DCC: variants seen among roughly 807,000 people sequenced by gnomAD.
The protein encoded by DCC is DCC netrin 1 receptor.
DCC carries 58 observed loss-of-function variants against 172.5 expected under a neutral mutation model. That is an observed-to-expected ratio of 0.34 (90% CI 0.27 to 0.42). The LOEUF (loss-of-function observed/expected upper bound fraction) is 0.42. DCC is among the 10% of genes least tolerant of loss of function. The pLI, the probability that DCC is intolerant of heterozygous loss-of-function variation, is 1.00. For missense variants in DCC, 1,740 were observed against 1,791.0 expected (o/e 0.97, Z 0.51); for synonymous variants, 709 against 644.5 (o/e 1.10, Z -1.52).
intron 7 of DCC, among the ~76,000 whole-genome samples, chr18:53,097,443 C>T (rs910799334): frequency 6.6e-5 from 10 of 152,150 alleles, no homozygotes; most frequent in Non-Finnish European, 1.2e-4. Flanking sequence ...CTTCTATATG[C>T]TGGACCTGAT....
chr18:53,290,545 T>C (rs1204312033), intron 12 of DCC, among the ~76,000 whole-genome samples: 1 of 152,148 alleles, frequency 6.6e-6, no homozygotes, highest in Non-Finnish European at 1.5e-5. Flanking sequence ...GCTCTGAGAT[T>C]GAAAGCCTGC....
chr18:52,357,614 T>C (rs150894723), intron 1 of DCC, among the ~76,000 whole-genome samples: 1 of 152,202 alleles, frequency 6.6e-6, no homozygotes, highest in African/African-American at 2.4e-5. Flanking sequence ...GTACAACCCA[T>C]ATCCTTTTGA....
At chr18:53,357,802 C>T (rs548605595) in intron 15 of DCC, among the ~76,000 whole-genome samples, 4 of 152,214 alleles carry the variant, frequency 2.6e-5, no homozygotes, top group Admixed American at 6.5e-5. Flanking sequence ...ATAGTGAACA[C>T]GGACTTCAGC....
rs1279636267 is a variant in DCC at position 52,467,249 on chromosome 18, A to G, written c.91+126371A>G. ...GTGTGATGTTCCTCTCCCTGTGTCC[A>G]TGTGTTCTCATTGTTCAACTCCCAC... On this transcript the variant is annotated intron_variant, in intron 1 of 28. Transcript: ENST00000442544. Among the ~76,000 whole-genome samples, 3 of 150,532 alleles carry G rather than the reference A, an allele frequency of 2.0e-5. No individual in the cohort carries two copies. In the East Asian group the frequency reaches 5.9e-4, roughly 30 times the overall value.
At chr18:53,350,649 A>AG (rs2057780775) in intron 15 of DCC, among the ~76,000 whole-genome samples, 1 of 152,100 alleles carries the variant, frequency 6.6e-6, no homozygotes, top group South Asian at 2.1e-4. Flanking sequence ...AGAAAACAAA[A>AG]GATGCTTTTA....
At chr18:52,744,582 A>G (rs948661624) in intron 1 of DCC, among the ~76,000 whole-genome samples, 1 of 152,212 alleles carries the variant, frequency 6.6e-6, no homozygotes, top group African/African-American at 2.4e-5. Context: ...TATTCTGACA[A>G]TATTTTTTAA....
At chr18:52,865,867 G>A (rs1262029985) in intron 2 of DCC, among the ~76,000 whole-genome samples, 1 of 152,120 alleles carries the variant, frequency 6.6e-6, no homozygotes, top group Admixed American at 6.5e-5. Flanking sequence ...TCTGATGAGA[G>A]TTTCTTTTGC....
intron 1 of DCC, among the ~76,000 whole-genome samples, chr18:52,507,603 G>A (rs1465700210): frequency 6.6e-6 from 1 of 152,064 alleles, no homozygotes; most frequent in Non-Finnish European, 1.5e-5. Flanking sequence ...TATCTCCTGT[G>A]TTCCCAGCAT....
rs1034942481 is a variant in DCC, at chr18:53,207,885, G to C, written c.1861+68G>C. 5.0e-4 allele frequency: 673 copies of C among 1,349,106 alleles called. 1 individual carries two copies. Among genetic ancestry groups the C allele is most frequent in the Non-Finnish European group, 5.9e-5 (56 of 943,402 alleles). 83.6% of individuals were successfully genotyped at this position (1,349,106 alleles called of 1,614,324 possible). ...ATATTGACAATAATGACATGATATTGCACATATATCATATATTCCATTTTC... is the reference window on the plus strand; with the variant it reads ...ATATTGACAATAATGACATGATATTCCACATATATCATATATTCCATTTTC... On this transcript the variant is annotated intron_variant, in intron 11 of 28. Transcript: ENST00000442544.
At position 53,322,066 on chromosome 18, in the gene DCC, G is replaced by A. The variant is rs1334902538; in HGVS notation, c.2073G>A (p.Gln691=). The A allele has an allele frequency of 1.2e-6, 2 of 1,604,840 alleles. No individual in the cohort carries two copies. The highest frequency in any genetic ancestry group is 1.7e-6 in the Non-Finnish European group (2 of 1,171,606). The change falls in exon 14 of 29, where the codon CAG becomes CAA. Residue 691 remains glutamine (Q), a synonymous_variant. Transcript: ENST00000442544. The part of the protein sequence containing the change: ...YLFTGLEKGS[Q]YSFQVSAMTV... Reference sequence around the variant, plus strand: ...TCATAGGACTGGAGAAAGGAAGTCAGTACAGTTTCCAGGTGTCAGCCATGA... The same window carrying A: ...TCATAGGACTGGAGAAAGGAAGTCAATACAGTTTCCAGGTGTCAGCCATGA...
chr18:52,756,952 TA>T (rs932703131), intron 2 of DCC: 34 of 152,294 alleles, frequency 2.2e-4, no homozygotes, highest in African/African-American at 7.5e-4. Context: ...TGATGCAAAA[TA>T]TTTTTTTTCA....
chr18:52,834,894 G>A (rs1392146994), intron 2 of DCC, among the ~76,000 whole-genome samples: 2 of 146,322 alleles, frequency 1.4e-5, no homozygotes, highest in Non-Finnish European at 3.0e-5. Context: ...ATGTGTTTAT[G>A]TGTGTGCATA....
At chr18:53,102,817 C>T (rs1409382376) in intron 7 of DCC, among the ~76,000 whole-genome samples, 1 of 151,342 alleles carries the variant, frequency 6.6e-6, no homozygotes, top group African/African-American at 2.5e-5. Context: ...AGCACATCAC[C>T]CAAAGGCTAC....
chr18:53,457,450 C>T lies in DCC; in HGVS notation c.3393-1782C>T, dbSNP rs142024141. On this transcript the variant is annotated intron_variant, in intron 23 of 28. Transcript: ENST00000442544. ...ATATTGAGTTAAATAAGGAGTTTGG[C>T]TATGTTTTCCTGAATTTGGGAACTG... 6.8e-4 allele frequency among the ~76,000 whole-genome samples: 104 copies of T among 152,248 alleles called. 1 individual carries two copies. Among genetic ancestry groups the T allele is most frequent in the South Asian group, 6.0e-3 (29 of 4,822 alleles).
intron 2 of DCC, among the ~76,000 whole-genome samples, chr18:52,793,626 C>T (rs1195680843): frequency 6.6e-5 from 10 of 152,120 alleles, no homozygotes; most frequent in Non-Finnish European, 2.9e-5. Flanking sequence ...CTTTGGTGTG[C>T]AGAAGCTTTT....
intron 7 of DCC, among the ~76,000 whole-genome samples, chr18:53,149,093 C>A (rs929410272): frequency 7.9e-5 from 12 of 151,840 alleles, no homozygotes; most frequent in Non-Finnish European, 1.6e-4. Context: ...GAACTCCTGA[C>A]CTCGTGATCC....
chr18:52,775,633 G>A (rs1029119407), intron 2 of DCC, among the ~76,000 whole-genome samples: 3 of 152,146 alleles, frequency 2.0e-5, no homozygotes, highest in African/African-American at 7.2e-5. Context: ...GCCGGTAGAT[G>A]GCCTGCAGGC....
intron 27 of DCC, among the ~76,000 whole-genome samples, chr18:53,502,877 G>C (rs60518592): frequency 6.6e-6 from 1 of 151,820 alleles, no homozygotes; most frequent in African/African-American, 2.4e-5. Context: ...AGGTTCTGGG[G>C]TACATGTGCA....
At chr18:53,409,317 T>A (rs1404246154) in intron 19 of DCC, among the ~76,000 whole-genome samples, 1 of 152,168 alleles carries the variant, frequency 6.6e-6, no homozygotes, top group African/African-American at 2.4e-5. Context: ...CCAGTCCAGC[T>A]GGGACAAGAG....
Sources: gnomAD v4.1 joint callset for allele counts (sites outside exome capture counted in the v4.1 genomes callset) on GRCh38, gnomAD v4.1.1 for gene constraint, MANE v1.5 for transcripts, NCBI Gene and HGNC (gene_info 2026-07-23, HGNC 2026-07-21) for gene names.